CBX7: variants seen among roughly 807,000 people sequenced by gnomAD.
CBX7 encodes chromobox 7, also known as chromobox protein homolog 7.
A neutral mutation model predicts 31.4 loss-of-function variants in CBX7; 14 were observed. The observed-to-expected ratio is 0.45, with a 90% confidence interval of 0.29 to 0.70. The LOEUF is 0.70. Ranked by LOEUF, CBX7 falls within the 30% of genes least tolerant of loss-of-function variation. The pLI is 0.11. For synonymous variants in CBX7, 159 were observed against 152.6 expected (o/e 1.04, Z -0.31); for missense variants, 269 against 351.9 (o/e 0.76, Z 1.89).
chr22:39,137,176 C>T (rs368749193), intron 4 of CBX7, among the ~76,000 whole-genome samples: 19 of 152,174 alleles, frequency 1.2e-4, no homozygotes, highest in East Asian at 7.7e-4. Flanking sequence ...TTTCAGACTT[C>T]GAATTTTTTT....
At chr22:39,144,598 C>T (rs376222339) in intron 2 of CBX7, among the ~76,000 whole-genome samples, 1 of 152,210 alleles carries the variant, frequency 6.6e-6, no homozygotes, top group Non-Finnish European at 1.5e-5. Context: ...GAGAGGCTGG[C>T]AGACACTCTA....
chr22:39,137,398 G>A (rs1437178374), intron 4 of CBX7, among the ~76,000 whole-genome samples: 1 of 152,060 alleles, frequency 6.6e-6, no homozygotes, highest in Admixed American at 6.5e-5. Flanking sequence ...ACCCAGGCTG[G>A]AGTGCAATGG....
Position 39,152,595 on chromosome 22 carries a change from G to A in CBX7, c.-151C>T, listed in dbSNP as rs1214872618. On this transcript the variant is annotated 5_prime_UTR_variant, in exon 1 of 6. It introduces an in-frame stop codon into an upstream open reading frame of the 5' UTR. Coordinates refer to ENST00000216133, the MANE Select transcript of CBX7 (RefSeq NM_175709.5). This position sits in a 1 kb window ranked among gnomAD's most constrained non-coding sequence, Gnocchi z 4.9. ...CACGCGCACGCGCGCACACCCCCTCGCGCTCCCTCACGCCGCCGACGTTCC... is the reference window on the plus strand; with the variant it reads ...CACGCGCACGCGCGCACACCCCCTCACGCTCCCTCACGCCGCCGACGTTCC... 6.3e-6 allele frequency: 1 copy of A among 158,382 alleles called. No individual in the cohort carries two copies. The highest frequency in any genetic ancestry group is 1.8e-4 in the South Asian group (1 of 5,610). The allele number at this position is 158,382 out of a possible 1,614,324, so 9.8% of individuals were successfully genotyped here. A position where few individuals can be genotyped will look rare whatever the true frequency, so the allele number is the denominator to read the frequency against.
chr22:39,147,086 CTTTTTTTTTTTTTTTTTT>C (rs34901545), intron 2 of CBX7: 1 of 62,332 alleles, frequency 1.6e-5, no homozygotes, highest in Non-Finnish European at 2.8e-5. Flanking sequence ...AAAGTGTCCA[CTTTTTTTTTTTTTTTTTT>C]TTTTTTTTTT....
chr22:39,142,429 G>T (rs989313602), intron 2 of CBX7, among the ~76,000 whole-genome samples: 1 of 152,134 alleles, frequency 6.6e-6, no homozygotes, highest in African/African-American at 2.4e-5. Context: ...AATGTCTAGT[G>T]GCTGAATGGT....
At chr22:39,135,830 CTGTA>C (rs1439314197) in intron 4 of CBX7, 1 of 152,364 alleles carries the variant, frequency 6.6e-6, no homozygotes, top group East Asian at 1.9e-4. Flanking sequence ...TGGCTCACGC[CTGTA>C]ATCCCAACAC....
chr22:39,149,342 A>C (rs931462019), intron 2 of CBX7: 66 of 186,708 alleles, frequency 3.5e-4, no homozygotes, highest in Non-Finnish European at 2.9e-4. Context: ...TATAGACTGG[A>C]AAGTGCCGTC....
chr22:39,140,845 G>A (rs1930428756), intron 3 of CBX7, among the ~76,000 whole-genome samples: 1 of 152,084 alleles, frequency 6.6e-6, no homozygotes, highest in South Asian at 2.1e-4. Flanking sequence ...GAGGTGGCAG[G>A]GGGACAGGCC....
rs1930660626 is a variant in CBX7, at chr22:39,146,335, G to A, written c.113+3454C>T. Among the ~76,000 whole-genome samples the A allele has an allele frequency of 3.3e-5, 5 of 152,266 alleles. 1 individual carries two copies. The South Asian group carries it at 8.3e-4, about 25-fold the overall frequency. On this transcript the variant is annotated intron_variant, in intron 2 of 5. Transcript: ENST00000216133. ...AACTCCAGTCTCCCCAGCCTGGGTG[G>A]AGACAGCTCCCACTCTGCCCCTGGC...
chr22:39,142,837 C>T (rs558437722), intron 2 of CBX7, among the ~76,000 whole-genome samples: 22 of 152,200 alleles, frequency 1.4e-4, no homozygotes, highest in East Asian at 7.7e-4. Context: ...AAAATTACAA[C>T]GGAACTGAAA....
At position 39,152,367 on chromosome 22, in the gene CBX7, C is replaced by A; in HGVS notation, c.69+9G>T. 7.2e-7 allele frequency: 1 copy of A among 1,391,548 alleles called. No homozygotes were observed. Among genetic ancestry groups the A allele is most frequent in the Non-Finnish European group, 9.4e-7 (1 of 1,065,172 alleles). 86.2% of individuals were successfully genotyped at this position (1,391,548 alleles called of 1,614,324 possible). On this transcript the variant is annotated intron_variant, in intron 1 of 5. Coordinates refer to ENST00000216133, the MANE Select transcript of CBX7 (RefSeq NM_175709.5). The surrounding 1 kb of genome is among the most constrained non-coding windows in gnomAD (Gnocchi z 4.9). ...TGGGGTCCTGGGAGCCGCCCCCGGG[C>A]AGCCTCACCTTCCGCACGCGCTTCT...
rs918109584 is a variant in CBX7, at chr22:39,152,078, T to C, written c.69+298A>G. Among the ~76,000 whole-genome samples, 3 of 152,134 alleles carry C rather than the reference T, an allele frequency of 2.0e-5. No homozygotes were observed. Among genetic ancestry groups the C allele is most frequent in the African/African-American group, 4.8e-5 (2 of 41,418 alleles). On this transcript the variant is annotated intron_variant, in intron 1 of 5. Transcript: ENST00000216133. This position sits in a 1 kb window ranked among gnomAD's most constrained non-coding sequence, Gnocchi z 4.9. ...TTCAACTTGGGCCTCAGTCTCCCCA[T>C]ATTTACAATAAAAGGGGAGCGAGGT...
chr22:39,138,453 A>ACG (rs1053949050), intron 4 of CBX7, among the ~76,000 whole-genome samples, 183 bp downstream of exon 4: 49 of 152,274 alleles, frequency 3.2e-4, no homozygotes, highest in African/African-American at 1.2e-3. Context: ...CCAGCCCCAC[A>ACG]CGCAGGCTTT....
chr22:39,144,439 C>T (rs1382896691), intron 2 of CBX7, among the ~76,000 whole-genome samples: 1 of 152,244 alleles, frequency 6.6e-6, no homozygotes, highest in East Asian at 1.9e-4. Flanking sequence ...TACAGCTATA[C>T]CTAGCCTTGG....
At chr22:39,139,498 C>T (rs1385300249) in intron 3 of CBX7, among the ~76,000 whole-genome samples, 2 of 151,116 alleles carry the variant, frequency 1.3e-5, no homozygotes, top group East Asian at 2.0e-4. Flanking sequence ...GTCAGGAGAT[C>T]GAGACCATCC....
At chr22:39,141,743 T>TAAA (rs139392) in intron 2 of CBX7, among the ~76,000 whole-genome samples, 1 of 122,430 alleles carries the variant, frequency 8.2e-6, no homozygotes, top group African/African-American at 3.0e-5. Flanking sequence ...AGTAAGACTC[T>TAAA]AAAAAAAAAA....
Position 39,138,661 on chromosome 22 carries a change from G to A in CBX7, c.221C>T (p.Pro74Leu), listed in dbSNP as rs1246492710. ...CTGCAGCAGAAGCCGCTTGGGTTTC[G>A]GACCTCTCTTCCTATACCCCGATGC... is the stretch of plus-strand genomic sequence containing the variant. ...DRASGYRKRG[P>L]KPKRLLLQRL... The change falls in exon 4 of 6, where the codon CCG becomes CTG. Residue 74 changes from proline (P) to leucine (L), a missense_variant. Physicochemically the swap from Pro to Leu is moderately conservative, Grantham distance 98 (BLOSUM62 -3). Coordinates refer to ENST00000216133, the MANE Select transcript of CBX7 (RefSeq NM_175709.5). 42 of 1,614,022 alleles carry A rather than the reference G, an allele frequency of 2.6e-5. No individual in the cohort carries two copies. The highest frequency in any genetic ancestry group is 4.0e-5 in the African/African-American group (3 of 74,918).
At chr22:39,145,292 C>T (rs893702341) in intron 2 of CBX7, among the ~76,000 whole-genome samples, 13 of 152,130 alleles carry the variant, frequency 8.5e-5, no homozygotes, top group African/African-American at 2.9e-4. Context: ...CACCGCGCCG[C>T]GCCCTCCGCA....
Position 39,133,189 on chromosome 22 carries a change from C to A in CBX7, c.*702G>T, listed in dbSNP as rs763510061. ...ACGTCTGCAGCCACACATGCTTTCA[C>A]GGGGCACATGGGAACGTACACGCGA... On this transcript the variant is annotated 3_prime_UTR_variant, in exon 6 of 6. Transcript: ENST00000216133. The A allele has an allele frequency of 1.3e-5, 2 of 152,180 alleles. No homozygotes were observed. Among genetic ancestry groups the A allele is most frequent in the Non-Finnish European group, 2.9e-5 (2 of 68,046 alleles). 9.4% of individuals were successfully genotyped at this position (152,180 alleles called of 1,614,324 possible).
Sources: gnomAD v4.1 joint callset for allele counts (sites outside exome capture counted in the v4.1 genomes callset) on GRCh38, gnomAD v4.1.1 for gene constraint, Gnocchi (gnomAD v3.1) non-coding constraint, MANE v1.5 for transcripts, NCBI Gene and HGNC (gene_info 2026-07-23, HGNC 2026-07-21) for gene names.